Variants in CCDC39 observed in about 807,000 individuals in gnomAD.
CCDC39 encodes the protein coiled-coil domain-containing protein 39.
A neutral mutation model predicts 121.0 loss-of-function variants in CCDC39; 113 were observed. The ratio of observed to expected loss-of-function variants is 0.93; its 90% CI spans 0.80 to 1.09. The LOEUF is 1.09. Among genes scored for constraint, CCDC39 ranks in the 50% least tolerant of loss-of-function variants. The pLI is 0.00. For synonymous variants in CCDC39, 349 were observed against 352.2 expected, an observed-to-expected ratio of 0.99 and a Z score of 0.10; for missense variants, 1,063 against 1,074.7, an observed-to-expected ratio of 0.99 and a Z score of 0.15.
At chr3:180,678,184 G>C (rs1712287580) in intron 1 of CCDC39, among the ~76,000 whole-genome samples, 1 of 152,128 alleles carries the variant, frequency 6.6e-6, no homozygotes, top group African/African-American at 2.4e-5. Context: ...TCTGAACCCA[G>C]GGCTGGATAC....
intron 14 of CCDC39, among the ~76,000 whole-genome samples, chr3:180,621,649 G>A (rs1717435240): frequency 6.6e-6 from 1 of 152,012 alleles, no homozygotes; most frequent in African/African-American, 2.4e-5. Flanking sequence ...GTGTCATGGA[G>A]GTTTGGTGTA....
At chr3:180,645,116 A>AG (rs1718040741) in intron 11 of CCDC39, among the ~76,000 whole-genome samples, 2 of 152,142 alleles carry the variant, frequency 1.3e-5, no homozygotes, top group African/African-American at 4.8e-5. Flanking sequence ...CCTCATCTCT[A>AG]AATGGAGATG....
chr3:180,643,822 T>C (rs1237900664), intron 12 of CCDC39, among the ~76,000 whole-genome samples: 1 of 152,168 alleles, frequency 6.6e-6, no homozygotes, highest in Non-Finnish European at 1.5e-5. Context: ...TAGGGGATGG[T>C]TAAATAAACT....
chr3:180,653,426 T>C (rs185093475), intron 7 of CCDC39, among the ~76,000 whole-genome samples: 113 of 152,350 alleles, frequency 7.4e-4, no homozygotes, highest in Non-Finnish European at 1.4e-3. Flanking sequence ...TCCCTAGATA[T>C]GCCTATAATC....
In CCDC39 at chr3:180,616,920, A is replaced by C. The variant is rs771050724; in HGVS notation, c.2312T>G (p.Val771Gly). 7 of 1,526,650 alleles carry C rather than the reference A, an allele frequency of 4.6e-6. No homozygotes were observed. In the Admixed American group the frequency reaches 1.1e-4, roughly 23 times the overall value. The allele number at this position is 1,526,650 out of a possible 1,614,324, so 94.6% of individuals were successfully genotyped here. The change falls in exon 17 of 20, where the codon GTT becomes GGT. Residue 771 changes from valine to glycine, a missense_variant. Physicochemically the swap from Val to Gly is moderately radical, Grantham distance 109 (BLOSUM62 -3). Transcript: ENST00000476379. ...LDVIEHLANN[V>G]KEKLSEKQAY... The stretch of plus-strand genomic sequence containing the variant: ...CTGCTTCTCTGATAACTTTTCTTTA[A>C]CATTATTTGCCAAATGTTCTATAAC...
chr3:180,668,715 C>G (rs760154094), intron 1 of CCDC39, among the ~76,000 whole-genome samples: 1 of 151,970 alleles, frequency 6.6e-6, no homozygotes, highest in East Asian at 1.9e-4. Flanking sequence ...ACAACAGGAA[C>G]CATATGCATT....
intron 1 of CCDC39, among the ~76,000 whole-genome samples, chr3:180,665,181 CTT>C (rs1711844076): frequency 6.6e-6 from 1 of 152,166 alleles, no homozygotes; most frequent in African/African-American, 2.4e-5. Flanking sequence ...ACAACTGACT[CTT>C]ATGTACCTAG....
intron 14 of CCDC39, among the ~76,000 whole-genome samples, chr3:180,624,613 C>T (rs1057242520): frequency 1.3e-5 from 2 of 151,936 alleles, no homozygotes; most frequent in African/African-American, 2.4e-5. Context: ...TGTGTTTTCA[C>T]GATGGTGAAT....
rs1717122008 is a variant in CCDC39 at position 180,614,028 on chromosome 3, T to C, written c.*893A>G. On this transcript the variant is annotated 3_prime_UTR_variant, in exon 20 of 20. Transcript: ENST00000476379. The stretch of plus-strand genomic sequence containing the variant: ...ATTCGTGAATTCTAATACATTTATT[T>C]AAAATCCAGTTTTATAATATTCCAC... The C allele has an allele frequency of 3.0e-6, 1 of 332,212 alleles. No individual in the cohort carries two copies. The highest frequency in any genetic ancestry group is 2.2e-5 in the African/African-American group (1 of 46,222). 20.6% of individuals were successfully genotyped at this position (332,212 alleles called of 1,614,324 possible). A position where few individuals can be genotyped will look rare whatever the true frequency, so the allele number is the denominator to read the frequency against.
At chr3:180,655,564 A>C (rs1711560348) in intron 6 of CCDC39, among the ~76,000 whole-genome samples, 1 of 151,862 alleles carries the variant, frequency 6.6e-6, no homozygotes, top group Non-Finnish European at 1.5e-5. Context: ...AAAAAGAAAA[A>C]GTAGAAGAAG....
chr3:180,619,464 GT>G, intron 15 of CCDC39, 99 bp from the exon 16 acceptor site: 1 of 702,794 alleles, frequency 1.4e-6, no homozygotes, highest in Non-Finnish European at 2.4e-6. Context: ...TGTTATGAAA[GT>G]TTAAATTTTT....
rs530574339 is a variant in CCDC39, at chr3:180,646,939, A to G, written c.1527+140T>C. On this transcript the variant is annotated intron_variant, in intron 11 of 19. Coordinates refer to ENST00000476379, the MANE Select transcript of CCDC39 (RefSeq NM_181426.2). ...TAACATTACACACTAATAGTACAAAAATAAGAACATTGTTCATACATTTGT... is the reference window on the plus strand; with the variant it reads ...TAACATTACACACTAATAGTACAAAGATAAGAACATTGTTCATACATTTGT... The G allele has an allele frequency of 1.5e-5, 11 of 710,546 alleles. No homozygotes were observed. In the South Asian group the frequency reaches 2.0e-4, roughly 13 times the overall value. The allele number at this position is 710,546 out of a possible 1,614,324, so 44.0% of individuals were successfully genotyped here.
At chr3:180,620,656 A>G (rs911655014) in intron 14 of CCDC39, among the ~76,000 whole-genome samples, 1 of 152,056 alleles carries the variant, frequency 6.6e-6, no homozygotes, top group Admixed American at 6.6e-5. Flanking sequence ...GTGTATATAT[A>G]TGCAAGAAAA....
At chr3:180,659,317 A>C (rs555924751) in intron 6 of CCDC39, 135 bp downstream of exon 6, 395 of 1,137,120 alleles carry the variant, frequency 3.5e-4, no homozygotes, top group Non-Finnish European at 4.5e-4. Flanking sequence ...GCTTTCAAAA[A>C]TATTTACCAA....
chr3:180,672,314 C>T (rs1490459406), intron 1 of CCDC39, among the ~76,000 whole-genome samples: 1 of 152,160 alleles, frequency 6.6e-6, no homozygotes, highest in Admixed American at 6.5e-5. Context: ...GCTCATTGGG[C>T]CAGGTGTGGT....
chr3:180,633,687 T>C (rs1463076738), intron 13 of CCDC39, among the ~76,000 whole-genome samples: 1 of 151,650 alleles, frequency 6.6e-6, no homozygotes, highest in Non-Finnish European at 1.5e-5. Flanking sequence ...GAGCAACAAA[T>C]GGAGAAAACA....
At position 180,614,021 on chromosome 3, in the gene CCDC39, A is replaced by T. The variant is rs935685432; in HGVS notation, c.*900T>A. Reference sequence around the variant, plus strand: ...CATGTACATTCGTGAATTCTAATACATTTATTTAAAATCCAGTTTTATAAT... The same window carrying T: ...CATGTACATTCGTGAATTCTAATACTTTTATTTAAAATCCAGTTTTATAAT... On this transcript the variant is annotated 3_prime_UTR_variant, in exon 20 of 20. Transcript: ENST00000476379. 1 of 333,442 alleles carries T rather than the reference A, an allele frequency of 3.0e-6. No homozygotes were observed. The highest frequency in any genetic ancestry group is 2.2e-5 in the African/African-American group (1 of 46,364). The allele number at this position is 333,442 out of a possible 1,614,324, so 20.7% of individuals were successfully genotyped here.
intron 1 of CCDC39, among the ~76,000 whole-genome samples, chr3:180,678,650 G>C (rs938820983): frequency 6.6e-6 from 1 of 151,562 alleles, no homozygotes; most frequent in Non-Finnish European, 1.5e-5. Context: ...CACTGCGCCC[G>C]GCCTGCAATT....
intron 6 of CCDC39, among the ~76,000 whole-genome samples, chr3:180,658,026 G>A (rs1210079247): frequency 6.6e-6 from 1 of 150,804 alleles, no homozygotes; most frequent in Non-Finnish European, 1.5e-5. Flanking sequence ...CTGCGGTCAG[G>A]AGTTCGAGAC....
Sources: gnomAD v4.1 joint callset for allele counts (sites outside exome capture counted in the v4.1 genomes callset) on GRCh38, gnomAD v4.1.1 for gene constraint, MANE v1.5 for transcripts, NCBI Gene and HGNC (gene_info 2026-07-23, HGNC 2026-07-21) for gene names.